CLVS1: variants seen among roughly 807,000 people sequenced by gnomAD.
CLVS1 encodes clavesin 1.
Under a neutral mutation model 33.1 loss-of-function variants are expected in CLVS1, and 10 were observed. That is an observed-to-expected ratio of 0.30 (90% confidence interval 0.19 to 0.51). CLVS1 has a LOEUF of 0.51. Among genes scored for constraint, CLVS1 ranks in the 20% least tolerant of loss-of-function variants. The probability of loss-of-function intolerance (pLI) is 0.97; values close to 1 mark genes in which losing one functional copy is unlikely to be tolerated. For synonymous variants in CLVS1, 163 were observed against 166.1 expected (o/e 0.98, Z 0.14); for missense variants, 343 against 433.4 (o/e 0.79, Z 1.85).
At chr8:61,060,993 T>C (rs548356722) in intron 1 of CLVS1, among the ~76,000 whole-genome samples, 1 of 152,200 alleles carries the variant, frequency 6.6e-6, no homozygotes, top group Non-Finnish European at 1.5e-5. Flanking sequence ...AGGTTGTGTT[T>C]TTATAGCCTC....
upstream of CLVS1, among the ~76,000 whole-genome samples, chr8:61,284,016 C>T (rs1254318748): frequency 2.0e-5 from 3 of 152,012 alleles, no homozygotes; most frequent in Non-Finnish European, 4.4e-5. Flanking sequence ...TATATATACA[C>T]AATGGAATAC....
chr8:61,178,969 A>G (rs1357801117), intron 2 of CLVS1, among the ~76,000 whole-genome samples: 3 of 152,258 alleles, frequency 2.0e-5, no homozygotes, highest in African/African-American at 7.2e-5. Flanking sequence ...TAGCATCATG[A>G]TGAAAGGATC....
chr8:61,177,248 A>G (rs1419639990), intron 2 of CLVS1, among the ~76,000 whole-genome samples: 1 of 152,024 alleles, frequency 6.6e-6, no homozygotes, highest in East Asian at 1.9e-4. Flanking sequence ...CAGGCCGGAC[A>G]CTGGCCCATT....
At chr8:61,446,555 T>C (rs1816763722) in intron 3 of CLVS1, among the ~76,000 whole-genome samples, 1 of 152,156 alleles carries the variant, frequency 6.6e-6, no homozygotes, top group Non-Finnish European at 1.5e-5. Context: ...GGGCTGAGCA[T>C]GGTAGTTCAA....
chr8:61,172,309 G>A (rs1807018726), intron 2 of CLVS1, among the ~76,000 whole-genome samples: 1 of 146,054 alleles, frequency 6.8e-6, no homozygotes, highest in African/African-American at 2.5e-5. Flanking sequence ...ACTTTATTTG[G>A]GGGAAAGGTC....
chr8:61,456,932 A>C (rs1215593947), intron 4 of CLVS1, among the ~76,000 whole-genome samples: 4 of 150,694 alleles, frequency 2.7e-5, no homozygotes, highest in Admixed American at 2.6e-4. Context: ...AAAAAAAAAA[A>C]TACATATAGA....
chr8:61,272,324 C>T (rs544802721), intron 2 of CLVS1, among the ~76,000 whole-genome samples: 4 of 152,260 alleles, frequency 2.6e-5, no homozygotes, highest in South Asian at 2.1e-4. Context: ...TATTGGCCCC[C>T]GCTCTCTTCT....
intron 1 of CLVS1, among the ~76,000 whole-genome samples, chr8:61,103,777 CAT>C (rs1190286996): frequency 6.6e-6 from 1 of 152,200 alleles, no homozygotes; most frequent in Non-Finnish European, 1.5e-5. Flanking sequence ...GCAGGGTCGA[CAT>C]GTGCTGAACA....
the CLVS1 span, among the ~76,000 whole-genome samples, chr8:61,018,636 A>G: frequency 6.6e-6 from 1 of 152,198 alleles, no homozygotes; most frequent in African/African-American, 2.4e-5. Flanking sequence ...AGACACAATT[A>G]TATCTTGATT....
At chr8:61,135,490 A>G (rs1339955643) in intron 2 of CLVS1, among the ~76,000 whole-genome samples, 1 of 152,142 alleles carries the variant, frequency 6.6e-6, no homozygotes, top group Non-Finnish European at 1.5e-5. Flanking sequence ...GGCTTCCGTG[A>G]CCATCTTTAC....
chr8:61,371,663 C>T (rs1411732000), intron 2 of CLVS1, among the ~76,000 whole-genome samples: 4 of 152,176 alleles, frequency 2.6e-5, no homozygotes, highest in Admixed American at 2.6e-4. Context: ...AAACTCAAAG[C>T]ACAAATGGGC....
At chr8:60,994,841 C>A in the CLVS1 span, among the ~76,000 whole-genome samples, 19 of 151,948 alleles carry the variant, frequency 1.3e-4, no homozygotes, top group Admixed American at 1.1e-3. Context: ...CAGAACAGAG[C>A]CCTCAGAAAT....
chr8:61,442,994 G>A (rs1049969323), intron 3 of CLVS1, among the ~76,000 whole-genome samples: 2 of 152,098 alleles, frequency 1.3e-5, no homozygotes, highest in Admixed American at 6.6e-5. Context: ...TTAATGATGT[G>A]AAATATCTTC....
the CLVS1 span, among the ~76,000 whole-genome samples, chr8:61,036,915 C>T: frequency 6.6e-6 from 1 of 152,198 alleles, no homozygotes; most frequent in Non-Finnish European, 1.5e-5. Context: ...AGGAGTATTT[C>T]TAAACACCCA....
the CLVS1 span, among the ~76,000 whole-genome samples, chr8:61,026,363 C>T: frequency 1.2e-4 from 18 of 152,318 alleles, no homozygotes; most frequent in Admixed American, 3.3e-4. Context: ...GCCTTCAGAA[C>T]TGTGAGACAA....
chr8:61,431,249 T>C (rs1196358932), intron 3 of CLVS1, among the ~76,000 whole-genome samples: 1 of 152,184 alleles, frequency 6.6e-6, no homozygotes, highest in East Asian at 1.9e-4. Context: ...AAAATGGGTC[T>C]CATGGTGGGG....
At chr8:61,144,269 C>T (rs1473360306) in intron 2 of CLVS1, among the ~76,000 whole-genome samples, 4 of 152,016 alleles carry the variant, frequency 2.6e-5, no homozygotes, top group Non-Finnish European at 5.9e-5. Flanking sequence ...TCTAATTGTT[C>T]GACTCCCGCT....
chr8:61,100,438 G>A (rs1805427998), intron 1 of CLVS1, among the ~76,000 whole-genome samples: 1 of 152,114 alleles, frequency 6.6e-6, no homozygotes, highest in Non-Finnish European at 1.5e-5. Flanking sequence ...ACTCTTTGAA[G>A]CTTCTTTGTC....
At chr8:61,066,877 A>C (rs139600185) in intron 1 of CLVS1, among the ~76,000 whole-genome samples, 167 of 152,284 alleles carry the variant, frequency 1.1e-3, no homozygotes, top group African/African-American at 3.8e-3. Context: ...ATACATGTCC[A>C]TCTGTAGTTT....
Sources: allele counts gnomAD v4.1 joint callset (sites outside exome capture counted in the v4.1 genomes callset), GRCh38; gene constraint gnomAD v4.1.1; transcripts MANE v1.5; gene names NCBI Gene and HGNC (gene_info 2026-07-23, HGNC 2026-07-21).